The following ZNF687 variants were observed in gnomAD, a reference collection of about 807,000 sequenced individuals.
The protein encoded by ZNF687 is zinc finger protein 687.
ZNF687 carries 13 observed loss-of-function variants against 71.8 expected under a neutral mutation model. The ratio of observed to expected loss-of-function variants is 0.18; its 90% CI spans 0.12 to 0.29. ZNF687 has a LOEUF of 0.29. Ranked by LOEUF, ZNF687 falls within the 10% of genes least tolerant of loss-of-function variation. The pLI is 1.00. For synonymous variants in ZNF687, 673 were observed against 641.6 expected, an observed-to-expected ratio of 1.05 and a Z score of -0.74; for missense variants, 1,412 against 1,625.6, an observed-to-expected ratio of 0.87 and a Z score of 2.26.
At chr1:151,285,070 C>G (rs587647002) in intron 1 of ZNF687, 1 of 152,122 alleles carries the variant, frequency 6.6e-6, no homozygotes, top group East Asian at 1.9e-4. Context: ...CCACCACACC[C>G]GGCCATTTGT....
chr1:151,283,233 T>A, intron 1 of ZNF687: 2 of 985,344 alleles, frequency 2.0e-6, no homozygotes, highest in Non-Finnish European at 1.2e-6. Flanking sequence ...GGGACTTAAT[T>A]CCGTCTGCTA....
rs929278074 is a variant in ZNF687 at position 151,288,372 on chromosome 1, A to G, written c.2081A>G (p.Gln694Arg). Residue 694 changes from glutamine to arginine, a missense_variant, in exon 2 of 9, where the codon CAG (glutamine) becomes CGG (arginine). Gln to Arg is a conservative substitution (Grantham distance 43, BLOSUM62 1). Around this residue, in one of 8 missense-constraint regions of ZNF687, gnomAD observed 207 missense variants for 239.2 expected, o/e 0.87. Coordinates refer to ENST00000336715, the MANE Select transcript of ZNF687 (RefSeq NM_020832.3). ...DKAGMAAHFQ[Q>R]LGPPAPGATS... ...GCTGGCATGGCAGCTCACTTCCAGC[A>G]GCTCGGCCCCCCTGCCCCTGGGGCC... 1 of 1,608,004 alleles carries G rather than the reference A, an allele frequency of 6.2e-7. No individual in the cohort carries two copies. The highest frequency in any genetic ancestry group is 2.2e-5 in the East Asian group (1 of 44,838).
chr1:151,286,380 G>A lies in ZNF687; in HGVS notation c.89G>A (p.Gly30Glu). ...DIDANEAIHS[G>E]PEENEGPGGP... Reference sequence around the variant, plus strand: ...GATGCGAATGAAGCCATCCATTCTGGGCCAGAAGAAAATGAGGGGCCTGGA... The same window carrying A: ...GATGCGAATGAAGCCATCCATTCTGAGCCAGAAGAAAATGAGGGGCCTGGA... The change falls in exon 2 of 9, where the codon GGG becomes GAG. Residue 30 changes from glycine to glutamate, a missense_variant. Gly to Glu is a moderately conservative substitution (Grantham distance 98, BLOSUM62 -2). Around this residue, in one of 8 missense-constraint regions of ZNF687, gnomAD observed 490 missense variants for 489.9 expected, o/e 1.00. Transcript: ENST00000336715. 6.2e-7 allele frequency: 1 copy of A among 1,612,224 alleles called. No homozygotes were observed. Among genetic ancestry groups the A allele is most frequent in the Non-Finnish European group, 8.5e-7 (1 of 1,179,550 alleles).
rs1403732778 is a variant in ZNF687, at chr1:151,286,582, C to T, written c.291C>T (p.Ala97=). 6 of 1,614,162 alleles carry T rather than the reference C, an allele frequency of 3.7e-6. No homozygotes were observed. Among genetic ancestry groups the T allele is most frequent in the Middle Eastern group, 1.6e-4 (1 of 6,062 alleles). The change falls in exon 2 of 9, where the codon GCC becomes GCT. Residue 97 remains alanine (A), a synonymous_variant. Coordinates refer to ENST00000336715, the MANE Select transcript of ZNF687 (RefSeq NM_020832.3). The part of the protein sequence containing the change: ...KNTVCPEQSE[A]LAGGSAGDGA... ...CTGTGTGTCCCGAGCAGTCTGAGGC[C>T]CTGGCTGGAGGCTCAGCAGGAGACG...
Position 151,289,805 on chromosome 1 carries a change from A to C in ZNF687, c.2762A>C (p.Glu921Ala), listed in dbSNP as rs1296866905. 1.8e-5 allele frequency: 28 copies of C among 1,566,282 alleles called. No homozygotes were observed. The highest frequency in any genetic ancestry group is 1.1e-4 in the Admixed American group (6 of 52,844). ...SQGGAAPATE[E>A]SSSSSEEEEV... ...GGAGGGGCAGCCCCTGCTACTGAGG[A>C]GTCGTCTTCATCTTCAGAAGAGGAG... The change falls in exon 6 of 9, where the codon GAG becomes GCG. Residue 921 changes from glutamate (E) to alanine (A), a missense_variant. Physicochemically the swap from Glu to Ala is moderately radical, Grantham distance 107. Transcript: ENST00000336715.
chr1:151,283,209 C>A, intron 1 of ZNF687: 1 of 985,470 alleles, frequency 1.0e-6, no homozygotes, highest in Non-Finnish European at 1.2e-6. Flanking sequence ...CGCGCCAGCC[C>A]TCGGCAGATG....
chr1:151,289,579 T>C, intron 5 of ZNF687, 39 bp downstream of exon 5: 1 of 1,613,410 alleles, frequency 6.2e-7, no homozygotes, highest in Non-Finnish European at 8.5e-7. Context: ...TGCTTAGCTG[T>C]ACTGACCTGG....
At position 151,291,174 on chromosome 1, in the gene ZNF687, A is replaced by G; in HGVS notation, c.3679A>G (p.Ile1227Val). 2 of 1,612,794 alleles carry G rather than the reference A, an allele frequency of 1.2e-6. No homozygotes were observed. Among genetic ancestry groups the G allele is most frequent in the Admixed American group, 1.7e-5 (1 of 60,002 alleles). The change falls in exon 9 of 9, where the codon ATC becomes GTC. Residue 1227 changes from isoleucine (I) to valine (V), a missense_variant. Ile to Val is a conservative substitution (Grantham distance 29). Around this residue, in one of 8 missense-constraint regions of ZNF687, gnomAD observed 284 missense variants for 359.2 expected, o/e 0.79. Transcript: ENST00000336715. ...THFRTHGMAF[I>V]RARQGAVGDN is the part of the protein sequence containing the mutation. ...CTTCCGCACGCATGGCATGGCGTTCATCAGGGCTCGGCAGGGGGCTGTTGG... is the reference window on the plus strand; with the variant it reads ...CTTCCGCACGCATGGCATGGCGTTCGTCAGGGCTCGGCAGGGGGCTGTTGG...
intron 4 of ZNF687, 46 bp from the exon 5 acceptor site, chr1:151,289,332 G>T (rs1019435890): frequency 1.9e-6 from 3 of 1,613,356 alleles, no homozygotes; most frequent in African/African-American, 1.3e-5. Flanking sequence ...AGGAGGGGAG[G>T]GGCTGCACCC....
chr1:151,288,343 C>T lies in ZNF687; in HGVS notation c.2052C>T (p.Asp684=), dbSNP rs1557771753. 1 of 1,610,956 alleles carries T rather than the reference C, an allele frequency of 6.2e-7. No individual in the cohort carries two copies. The highest frequency in any genetic ancestry group is 8.5e-7 in the Non-Finnish European group (1 of 1,179,918). ...RCLECKEQCR[D]KAGMAAHFQQ... Reference sequence around the variant, plus strand: ...TGGAGTGCAAGGAACAGTGCCGGGACAAGGCTGGCATGGCAGCTCACTTCC... The same window carrying T: ...TGGAGTGCAAGGAACAGTGCCGGGATAAGGCTGGCATGGCAGCTCACTTCC... The change falls in exon 2 of 9, where the codon GAC becomes GAT. Residue 684 remains aspartate (D), a synonymous_variant. Coordinates refer to ENST00000336715, the MANE Select transcript of ZNF687 (RefSeq NM_020832.3).
Position 151,291,241 on chromosome 1 carries a change from C to A in ZNF687, c.*32C>A. On this transcript the variant is annotated 3_prime_UTR_variant, in exon 9 of 9. Coordinates refer to ENST00000336715, the MANE Select transcript of ZNF687 (RefSeq NM_020832.3). ...AGGCCTGGGACTGACCAGCCCCTTC[C>A]TCTTGGAGCCTGGTTTTCCCTACTG... The A allele has an allele frequency of 6.4e-7, 1 of 1,557,250 alleles. No individual in the cohort carries two copies. Among genetic ancestry groups the A allele is most frequent in the South Asian group, 1.2e-5 (1 of 84,286 alleles).
intron 1 of ZNF687, among the ~76,000 whole-genome samples, chr1:151,284,802 C>CTTTTTTTTTTT (rs869269504): frequency 3.5e-5 from 2 of 56,432 alleles, no homozygotes; most frequent in Non-Finnish European, 6.3e-5. Context: ...CTTGTCTTGT[C>CTTTTTTTTTTT]TTTTTTTTTT....
In ZNF687 at chr1:151,287,065, T is replaced by C. The variant is rs1372197550; in HGVS notation, c.774T>C (p.Ala258=). The C allele has an allele frequency of 1.2e-6, 2 of 1,612,164 alleles. No homozygotes were observed. The highest frequency in any genetic ancestry group is 1.7e-6 in the Non-Finnish European group (2 of 1,178,488). Residue 258 remains alanine, a synonymous_variant, in exon 2 of 9, where the codon GCT becomes GCC. Coordinates refer to ENST00000336715, the MANE Select transcript of ZNF687 (RefSeq NM_020832.3). This position sits in a 1 kb window ranked among gnomAD's most constrained non-coding sequence, Gnocchi z 5.0. ...IPASASPPPV[A]GVPFFKQSPG... is the part of the protein sequence containing the mutation. ...CCAGTGCCTCGCCTCCCCCAGTTGC[T>C]GGGGTGCCCTTCTTCAAGCAGTCTC...
At position 151,289,903 on chromosome 1, in the gene ZNF687, A is replaced by G. The variant is rs762752965; in HGVS notation, c.2860A>G (p.Lys954Glu). Residue 954 changes from lysine (K) to glutamate (E), a missense_variant, in exon 6 of 9, where the codon AAG (lysine) becomes GAG (glutamate). Coordinates refer to ENST00000336715, the MANE Select transcript of ZNF687 (RefSeq NM_020832.3). ...PRRELGSKGL[K>E]GGGGGPGGWT... ...GCGGGAACTAGGGAGCAAAGGCCTC[A>G]AGGGTGGGGGTGGGGGGCCTGGAGG... 3 of 1,558,646 alleles carry G rather than the reference A, an allele frequency of 1.9e-6. No homozygotes were observed. Among genetic ancestry groups the G allele is most frequent in the Non-Finnish European group, 2.6e-6 (3 of 1,149,628 alleles).
rs1693745359 is a variant in ZNF687, at chr1:151,282,356, A to G, written c.-57A>G. Reference sequence around the variant, plus strand: ...GTGGCTGCAGCGGCTGGAGCGGGGTAGAGACCGCCGGGTCTCGGCCCGCAC... The same window carrying G: ...GTGGCTGCAGCGGCTGGAGCGGGGTGGAGACCGCCGGGTCTCGGCCCGCAC... On this transcript the variant is annotated 5_prime_UTR_variant, in exon 1 of 9. Transcript: ENST00000336715. The G allele has an allele frequency of 1.0e-6, 1 of 995,336 alleles. No individual in the cohort carries two copies. The highest frequency in any genetic ancestry group is 5.2e-4 in the Middle Eastern group (1 of 1,926). The allele number at this position is 995,336 out of a possible 1,614,324, so 61.7% of individuals were successfully genotyped here.
Position 151,287,891 on chromosome 1 carries a change from C to T in ZNF687, c.1600C>T (p.Arg534Cys), listed in dbSNP as rs778910431. Residue 534 changes from arginine (R) to cysteine (C), a missense_variant, in exon 2 of 9, where the codon CGC (arginine) becomes TGC (cysteine). Coordinates refer to ENST00000336715, the MANE Select transcript of ZNF687 (RefSeq NM_020832.3). This position sits in a 1 kb window ranked among gnomAD's most constrained non-coding sequence, Gnocchi z 5.0. Reference protein sequence around the residue: ...AGLALPPTGYRCLECGDAFSL... With the variant: ...AGLALPPTGYCCLECGDAFSL... ...GCTGGCCCTGCCTCCCACCGGCTAC[C>T]GCTGCCTGGAGTGTGGGGATGCCTT... 20 of 1,613,808 alleles carry T rather than the reference C, an allele frequency of 1.2e-5. No individual in the cohort carries two copies. Among genetic ancestry groups the T allele is most frequent in the African/African-American group, 4.0e-5 (3 of 74,930 alleles).
Position 151,286,634 on chromosome 1 carries a change from G to A in ZNF687, c.343G>A (p.Glu115Lys), listed in dbSNP as rs1693958009. 2 of 1,614,228 alleles carry A rather than the reference G, an allele frequency of 1.2e-6. No homozygotes were observed. The highest frequency in any genetic ancestry group is 1.7e-6 in the Non-Finnish European group (2 of 1,180,038). Residue 115 changes from glutamate to lysine, a missense_variant, in exon 2 of 9, where the codon GAA (glutamate) becomes AAA (lysine). By Grantham distance (56) the Glu-to-Lys change is moderately conservative. Transcript: ENST00000336715. ...DGAQAAGVTK[E>K]GPVGPHRMQN... ...GGCCCAGGCTGCTGGGGTAACTAAA[G>A]AAGGGCCTGTGGGGCCTCATCGAAT...
At position 151,291,157 on chromosome 1, in the gene ZNF687, C is replaced by T. The variant is rs768231303; in HGVS notation, c.3662C>T (p.Thr1221Met). The T allele has an allele frequency of 5.0e-6, 8 of 1,613,028 alleles. No individual in the cohort carries two copies. Among genetic ancestry groups the T allele is most frequent in the Admixed American group, 3.3e-5 (2 of 59,998 alleles). ...CTAAACCTCAAGACCCACTTCCGCA[C>T]GCATGGCATGGCGTTCATCAGGGCT... ...SPLNLKTHFRTHGMAFIRARQ... is the reference protein window; with the variant it reads ...SPLNLKTHFRMHGMAFIRARQ... Residue 1221 changes from threonine (T) to methionine (M), a missense_variant, in exon 9 of 9, where the codon ACG (threonine) becomes ATG (methionine). Around this residue, in one of 8 missense-constraint regions of ZNF687, gnomAD observed 284 missense variants for 359.2 expected, o/e 0.79. Coordinates refer to ENST00000336715, the MANE Select transcript of ZNF687 (RefSeq NM_020832.3).
At position 151,289,808 on chromosome 1, in the gene ZNF687, C is replaced by A. The variant is rs749665947; in HGVS notation, c.2765C>A (p.Ser922Ter). The A allele has an allele frequency of 1.3e-6, 2 of 1,566,930 alleles. No individual in the cohort carries two copies. The highest frequency in any genetic ancestry group is 8.7e-7 in the Non-Finnish European group (1 of 1,155,306). ...GGGGCAGCCCCTGCTACTGAGGAGT[C>A]GTCTTCATCTTCAGAAGAGGAGGAA... ...QGGAAPATEE[S>*]SSSSEEEEVP... The change falls in exon 6 of 9, where the codon TCG becomes TAG. Residue 922 changes from serine to a stop codon, truncating the protein, a stop_gained. Coordinates refer to ENST00000336715, the MANE Select transcript of ZNF687 (RefSeq NM_020832.3). LOFTEE classifies it high-confidence loss of function.
Sources: gnomAD v4.1 joint callset for allele counts (sites outside exome capture counted in the v4.1 genomes callset) on GRCh38, gnomAD v4.1.1 for gene constraint, gnomAD v4.1.1 regional missense constraint, Gnocchi (gnomAD v3.1) non-coding constraint, MANE v1.5 for transcripts, NCBI Gene and HGNC (gene_info 2026-07-23, HGNC 2026-07-21) for gene names.